The following ATXN1 variants were observed in gnomAD, a reference collection of about 807,000 sequenced individuals.
ATXN1 encodes ataxin-1.
ATXN1 carries 8 observed loss-of-function variants against 56.4 expected under a neutral mutation model. The observed-to-expected ratio is 0.14, with a 90% CI of 0.08 to 0.26. ATXN1 has a LOEUF of 0.26. Ranked by LOEUF, ATXN1 falls within the 10% of genes least tolerant of loss-of-function variation. ATXN1 has a pLI of 1.00. For missense variants in ATXN1, 987 were observed against 1,106.5 expected (o/e 0.89, Z 1.53); for synonymous variants, 514 against 494.6 (o/e 1.04, Z -0.52).
At chr6:16,440,004 G>A (rs1022502082) in intron 6 of ATXN1, among the ~76,000 whole-genome samples, 42 of 151,830 alleles carry the variant, frequency 2.8e-4, no homozygotes, top group African/African-American at 1.0e-3. Context: ...GAACCCGGGA[G>A]GCGGAGGTTG....
intron 4 of ATXN1, among the ~76,000 whole-genome samples, chr6:16,536,184 T>A (rs1365135713): frequency 6.6e-6 from 1 of 152,010 alleles, no homozygotes; most frequent in Non-Finnish European, 1.5e-5. Flanking sequence ...ACCACTGCAC[T>A]CCAACCTGGG....
chr6:16,743,535 G>A (rs1426944944), intron 2 of ATXN1, among the ~76,000 whole-genome samples: 6 of 152,194 alleles, frequency 3.9e-5, no homozygotes, highest in African/African-American at 1.4e-4. Context: ...AAGCATCACA[G>A]GGGGAATGCC....
At chr6:16,523,022 A>G (rs1378277707) in intron 4 of ATXN1, among the ~76,000 whole-genome samples, 1 of 152,140 alleles carries the variant, frequency 6.6e-6, no homozygotes, top group Non-Finnish European at 1.5e-5. Flanking sequence ...CATGTCCTCC[A>G]TGCCCACCAT....
At chr6:16,593,853 G>T (rs979187556) in intron 3 of ATXN1, among the ~76,000 whole-genome samples, 1 of 35,274 alleles carries the variant, frequency 2.8e-5, no homozygotes, top group Non-Finnish European at 5.8e-5. Context: ...GTATATGTGT[G>T]TGTGCATATA....
intron 2 of ATXN1, among the ~76,000 whole-genome samples, chr6:16,662,086 G>A (rs1248671326): frequency 6.6e-6 from 1 of 152,172 alleles, no homozygotes; most frequent in African/African-American, 2.4e-5. Flanking sequence ...TTTTTACAGT[G>A]GGAGAAACTG....
intron 2 of ATXN1, among the ~76,000 whole-genome samples, chr6:16,696,211 T>G (rs988289033): frequency 1.3e-5 from 2 of 152,168 alleles, no homozygotes; most frequent in Non-Finnish European, 2.9e-5. Context: ...CTTAGTGATT[T>G]TATCAGATTG....
chr6:16,348,435 C>T (rs954408008), intron 6 of ATXN1, among the ~76,000 whole-genome samples: 3 of 152,184 alleles, frequency 2.0e-5, no homozygotes, highest in Middle Eastern at 3.4e-3. Context: ...CGGTGGCTCA[C>T]ACATATAATC....
At chr6:16,442,059 CA>C (rs201752666) in intron 6 of ATXN1, among the ~76,000 whole-genome samples, 3 of 151,146 alleles carry the variant, frequency 2.0e-5, no homozygotes, top group East Asian at 1.9e-4. Flanking sequence ...GGAAAGAAAA[CA>C]AAAAAAAATT....
intron 2 of ATXN1, chr6:16,752,998 G>A: frequency 1.4e-5 from 4 of 296,000 alleles, no homozygotes; most frequent in South Asian, 1.2e-4. Context: ...TCATCGCAAA[G>A]TCAAATGAAA....
chr6:16,699,572 TGTTTGTGG>T (rs1759238416), intron 2 of ATXN1, among the ~76,000 whole-genome samples: 1 of 152,182 alleles, frequency 6.6e-6, no homozygotes, highest in African/African-American at 2.4e-5. Flanking sequence ...GTCTGAAAAC[TGTTTGTGG>T]GTCATAGTAA....
chr6:16,571,801 C>T (rs1376625839), intron 4 of ATXN1, among the ~76,000 whole-genome samples: 1 of 152,132 alleles, frequency 6.6e-6, no homozygotes, highest in African/African-American at 2.4e-5. Flanking sequence ...GCTAGGACTA[C>T]AGGCTCATGC....
intron 4 of ATXN1, among the ~76,000 whole-genome samples, chr6:16,558,509 C>A (rs1762057067): frequency 6.6e-6 from 1 of 151,970 alleles, no homozygotes; most frequent in Non-Finnish European, 1.5e-5. Flanking sequence ...CGAGTACAAA[C>A]AGGCGTGCGC....
At chr6:16,619,469 G>A (rs745313569) in intron 3 of ATXN1, among the ~76,000 whole-genome samples, 4 of 152,156 alleles carry the variant, frequency 2.6e-5, no homozygotes, top group Admixed American at 2.0e-4. Context: ...AGATCACACT[G>A]TGTGGGCTTG....
At chr6:16,572,936 G>A (rs1762358341) in intron 4 of ATXN1, among the ~76,000 whole-genome samples, 1 of 152,190 alleles carries the variant, frequency 6.6e-6, no homozygotes, top group African/African-American at 2.4e-5. Context: ...GTAGAATGGT[G>A]ATTTAACAGA....
intron 7 of ATXN1, among the ~76,000 whole-genome samples, chr6:16,323,112 G>C (rs145593523): frequency 6.6e-6 from 1 of 152,188 alleles, no homozygotes; most frequent in African/African-American, 2.4e-5. Context: ...GAAAAAACAT[G>C]AGAACAGGGC....
At chr6:16,522,759 C>T (rs1761318462) in intron 4 of ATXN1, 71 bp from the exon 5 acceptor site, 1 of 152,096 alleles carries the variant, frequency 6.6e-6, no homozygotes, top group Admixed American at 6.5e-5. Context: ...AATGAGCAGG[C>T]CTAGAGGTGA....
intron 4 of ATXN1, among the ~76,000 whole-genome samples, chr6:16,570,200 C>T (rs236955): frequency 0.027 from 4,054 of 152,278 alleles, 159 homozygotes; most frequent in African/African-American, 0.091. Flanking sequence ...AACGAAATGG[C>T]CTCACACCGC....
intron 3 of ATXN1, among the ~76,000 whole-genome samples, chr6:16,599,487 C>T (rs1041251282): frequency 4.9e-4 from 75 of 151,644 alleles, no homozygotes; most frequent in African/African-American, 1.8e-3. Context: ...CTGAGGCGAG[C>T]GGATCATGAG....
intron 6 of ATXN1, among the ~76,000 whole-genome samples, chr6:16,422,297 G>A (rs1198865449): frequency 2.6e-5 from 4 of 152,204 alleles, no homozygotes; most frequent in Non-Finnish European, 5.9e-5. Flanking sequence ...CGTGGCGCAG[G>A]TGAGGGAGAG....
Sources: gnomAD v4.1 joint callset for allele counts (sites outside exome capture counted in the v4.1 genomes callset) on GRCh38, gnomAD v4.1.1 for gene constraint, MANE v1.5 for transcripts, NCBI Gene and HGNC (gene_info 2026-07-23, HGNC 2026-07-21) for gene names.